Variants in FOXB2 observed in about 807,000 individuals in gnomAD.
FOXB2 encodes forkhead box B2, also known as forkhead box protein B2.
In FOXB2, 1 loss-of-function variant was observed where a neutral mutation model predicts 0.9. That is an observed-to-expected ratio of 1.09 (90% CI 0.39 to 5.18). The LOEUF (loss-of-function observed/expected upper bound fraction) is 5.18. Ranked by LOEUF, FOXB2 falls within the 30% of genes most tolerant of loss-of-function variation. FOXB2 has a pLI of 0.16. For missense variants in FOXB2, 670 were observed against 626.6 expected (o/e 1.07, Z -0.74); for synonymous variants, 322 against 293.5 (o/e 1.10, Z -0.99).
rs778715025 is a variant in FOXB2, at chr9:77,020,149, GCCGCCGCCGCCGCCC to G, written c.509_523del (p.Pro170_Pro174del). ...ACCATCACCACCACCCACCCCAGCC[GCCGCCGCCGCCGCCC>G]CCGCCGCCGCCGCACATGGTACACT... On this transcript the variant is annotated inframe_deletion, in exon 1 of 1. Coordinates refer to ENST00000376708, the MANE Select transcript of FOXB2 (RefSeq NM_001013735.1). The surrounding 1 kb of genome is among the most constrained non-coding windows in gnomAD (Gnocchi z 4.9). 3.5e-5 allele frequency: 46 copies of G among 1,313,422 alleles called. No homozygotes were observed. Among genetic ancestry groups the G allele is most frequent in the African/African-American group, 2.6e-4 (17 of 65,508 alleles). 81.4% of individuals were successfully genotyped at this position (1,313,422 alleles called of 1,614,324 possible).
In FOXB2 at chr9:77,020,145, A is replaced by AGCCGCCGCC; in HGVS notation, c.501_509dup (p.Pro172_Pro174dup). On this transcript the variant is annotated inframe_insertion, in exon 1 of 1. Transcript: ENST00000376708. This position sits in a 1 kb window ranked among gnomAD's most constrained non-coding sequence, Gnocchi z 4.9. ...CACCACCATCACCACCACCCACCCCAGCCGCCGCCGCCGCCGCCCCCGCCG... is the reference window on the plus strand; with the variant it reads ...CACCACCATCACCACCACCCACCCCAGCCGCCGCCGCCGCCGCCGCCGCCGCCCCCGCCG... 1 of 1,355,892 alleles carries AGCCGCCGCC rather than the reference A, an allele frequency of 7.4e-7. No individual in the cohort carries two copies. The highest frequency in any genetic ancestry group is 1.2e-5 in the South Asian group (1 of 82,850). The allele number at this position is 1,355,892 out of a possible 1,614,324, so 84.0% of individuals were successfully genotyped here. A position where few individuals can be genotyped will look rare whatever the true frequency, so the allele number is the denominator to read the frequency against.
At position 77,020,331 on chromosome 9, in the gene FOXB2, C is replaced by A; in HGVS notation, c.677C>A (p.Ala226Glu). The A allele has an allele frequency of 1.7e-6, 2 of 1,163,646 alleles. No individual in the cohort carries two copies. Among genetic ancestry groups the A allele is most frequent in the Non-Finnish European group, 1.1e-6 (1 of 948,976 alleles). The allele number at this position is 1,163,646 out of a possible 1,614,324, so 72.1% of individuals were successfully genotyped here. The change falls in exon 1 of 1, where the codon GCG becomes GAG. Residue 226 changes from alanine to glutamate, a missense_variant. Ala to Glu is a moderately radical substitution (Grantham distance 107). Transcript: ENST00000376708. The surrounding 1 kb of genome is among the most constrained non-coding windows in gnomAD (Gnocchi z 4.9). ...CAGGAGGCGGCGGCCGTGGCGGCGG[C>A]GGCGGCGGCGGCCGCGGCAGCCGCG... ...KMQEAAAVAA[A>E]AAAAAAAAVG...
rs753300532 is a variant in FOXB2, at chr9:77,020,792, C to T, written c.1138C>T (p.Pro380Ser). 66 of 1,567,990 alleles carry T rather than the reference C, an allele frequency of 4.2e-5. No individual in the cohort carries two copies. In the East Asian group the frequency reaches 1.5e-3, roughly 36 times the overall value. The stretch of plus-strand genomic sequence containing the variant: ...GCTGCCGCCCGTGTCCGCGCTGCAG[C>T]CGGGGCTCACTGTCCCCGCGGCTTC... ...PALPPVSALQ[P>S]GLTVPAASQQ... The change falls in exon 1 of 1, where the codon CCG becomes TCG. Residue 380 changes from proline (P) to serine (S), a missense_variant. Pro to Ser is a moderately conservative substitution (Grantham distance 74). Coordinates refer to ENST00000376708, the MANE Select transcript of FOXB2 (RefSeq NM_001013735.1). The surrounding 1 kb of genome is among the most constrained non-coding windows in gnomAD (Gnocchi z 4.9).
chr9:77,020,576 A>T lies in FOXB2; in HGVS notation c.922A>T (p.Asn308Tyr). 6.2e-7 allele frequency: 1 copy of T among 1,609,220 alleles called. No homozygotes were observed. The change falls in exon 1 of 1, where the codon AAC becomes TAC. Residue 308 changes from asparagine to tyrosine, a missense_variant. Asn to Tyr is a moderately radical substitution (Grantham distance 143, BLOSUM62 -2). Transcript: ENST00000376708. The surrounding 1 kb of genome is among the most constrained non-coding windows in gnomAD (Gnocchi z 4.9). Reference sequence around the variant, plus strand: ...CTACCCCGTGCCCGGCCAGCTTGGCAACGTCGTCAGCTCCGTGTGGCCGCA... The same window carrying T: ...CTACCCCGTGCCCGGCCAGCTTGGCTACGTCGTCAGCTCCGTGTGGCCGCA... Reference protein sequence around the residue: ...LGYPVPGQLGNVVSSVWPHVG... With the variant: ...LGYPVPGQLGYVVSSVWPHVG...
At position 77,019,838 on chromosome 9, in the gene FOXB2, C is replaced by A. The variant is rs769898531; in HGVS notation, c.184C>A (p.Arg62Ser). 3.7e-6 allele frequency: 6 copies of A among 1,614,030 alleles called. No homozygotes were observed. The highest frequency in any genetic ancestry group is 3.3e-5 in the South Asian group (3 of 91,090). ...CACACAGCGCTGGCAGAACAGCCTGCGCCACAACCTCTCCTTCAACGACTG... is the reference window on the plus strand; with the variant it reads ...CACACAGCGCTGGCAGAACAGCCTGAGCCACAACCTCTCCTTCAACGACTG... ...EHTQRWQNSLRHNLSFNDCFI... is the reference protein window; with the variant it reads ...EHTQRWQNSLSHNLSFNDCFI... The change falls in exon 1 of 1, where the codon CGC (arginine) becomes AGC (serine). Residue 62 changes from arginine to serine, a missense_variant. By Grantham distance (110) the Arg-to-Ser change is moderately radical. Transcript: ENST00000376708. The surrounding 1 kb of genome is among the most constrained non-coding windows in gnomAD (Gnocchi z 4.4).
chr9:77,020,545 C>T lies in FOXB2; in HGVS notation c.891C>T (p.His297=). 6.2e-7 allele frequency: 1 copy of T among 1,611,194 alleles called. No homozygotes were observed. The highest frequency in any genetic ancestry group is 1.1e-5 in the South Asian group (1 of 91,038). The change falls in exon 1 of 1, where the codon CAC becomes CAT. Residue 297 remains histidine (H), a synonymous_variant. Transcript: ENST00000376708. This position sits in a 1 kb window ranked among gnomAD's most constrained non-coding sequence, Gnocchi z 4.9. ...GGLPLASVMH[H]LGYPVPGQLG... ...TGCCCTTGGCGTCCGTCATGCACCACCTGGGCTACCCCGTGCCCGGCCAGC... is the reference window on the plus strand; with the variant it reads ...TGCCCTTGGCGTCCGTCATGCACCATCTGGGCTACCCCGTGCCCGGCCAGC...
rs759405107 is a variant in FOXB2 at position 77,020,647 on chromosome 9, C to T, written c.993C>T (p.Ala331=). 6.9e-6 allele frequency: 11 copies of T among 1,600,804 alleles called. No homozygotes were observed. Among genetic ancestry groups the T allele is most frequent in the Non-Finnish European group, 9.4e-6 (11 of 1,175,194 alleles). Residue 331 remains alanine, a synonymous_variant, in exon 1 of 1, where the codon GCC becomes GCT. Coordinates refer to ENST00000376708, the MANE Select transcript of FOXB2 (RefSeq NM_001013735.1). This position sits in a 1 kb window ranked among gnomAD's most constrained non-coding sequence, Gnocchi z 4.9. ...DSVAAAAAAA[A]AAGVPVGPEY... ...TGGCCGCCGCCGCGGCCGCCGCAGC[C>T]GCAGCCGGAGTCCCTGTAGGCCCGG...
Position 77,020,455 on chromosome 9 carries a change from G to A in FOXB2, c.801G>A (p.Lys267=). Residue 267 remains lysine, a synonymous_variant, in exon 1 of 1, where the codon AAG becomes AAA. Transcript: ENST00000376708. This position sits in a 1 kb window ranked among gnomAD's most constrained non-coding sequence, Gnocchi z 4.9. ...AAAAASTSGF[K]HPFAIENIIG... ...CCGCGGCGTCCACGTCAGGCTTCAA[G>A]CACCCCTTTGCCATTGAGAACATTA... The A allele has an allele frequency of 6.2e-7, 1 of 1,601,848 alleles. No individual in the cohort carries two copies.
rs1589908287 is a variant in FOXB2 at position 77,020,145 on chromosome 9, A to C, written c.491A>C (p.Gln164Pro). ...CACCACCATCACCACCACCCACCCC[A>C]GCCGCCGCCGCCGCCGCCCCCGCCG... ...AHHHHHHHPP[Q>P]PPPPPPPPPP... is the part of the protein sequence containing the mutation. The change falls in exon 1 of 1, where the codon CAG becomes CCG. Residue 164 changes from glutamine (Q) to proline (P), a missense_variant. Gln to Pro is a moderately conservative substitution (Grantham distance 76). Transcript: ENST00000376708. This position sits in a 1 kb window ranked among gnomAD's most constrained non-coding sequence, Gnocchi z 4.9. 3 of 1,355,890 alleles carry C rather than the reference A, an allele frequency of 2.2e-6. No homozygotes were observed. Among genetic ancestry groups the C allele is most frequent in the Non-Finnish European group, 3.0e-6 (3 of 990,856 alleles). 84.0% of individuals were successfully genotyped at this position (1,355,890 alleles called of 1,614,324 possible).
In FOXB2 at chr9:77,020,672, G is replaced by A. The variant is rs1450452193; in HGVS notation, c.1018G>A (p.Glu340Lys). 6.2e-7 allele frequency: 1 copy of A among 1,604,198 alleles called. No individual in the cohort carries two copies. The highest frequency in any genetic ancestry group is 8.5e-7 in the Non-Finnish European group (1 of 1,176,714). The change falls in exon 1 of 1, where the codon GAG becomes AAG. Residue 340 changes from glutamate (E) to lysine (K), a missense_variant. Glu to Lys is a moderately conservative substitution (Grantham distance 56, BLOSUM62 1). Transcript: ENST00000376708. This position sits in a 1 kb window ranked among gnomAD's most constrained non-coding sequence, Gnocchi z 4.9. ...AAAAGVPVGP[E>K]YGAFGVPVKS... ...CGCAGCCGGAGTCCCTGTAGGCCCGGAGTATGGGGCCTTCGGGGTCCCGGT... is the reference window on the plus strand; with the variant it reads ...CGCAGCCGGAGTCCCTGTAGGCCCGAAGTATGGGGCCTTCGGGGTCCCGGT...
rs1453055043 is a variant in FOXB2, at chr9:77,020,158, G to GCCGCCC, written c.510_515dup (p.Pro173_Pro174dup). The GCCGCCC allele has an allele frequency of 6.4e-6, 8 of 1,255,122 alleles. No homozygotes were observed. The highest frequency in any genetic ancestry group is 9.1e-6 in the Non-Finnish European group (8 of 878,316). 77.7% of individuals were successfully genotyped at this position (1,255,122 alleles called of 1,614,324 possible). ...ACCACCCACCCCAGCCGCCGCCGCCGCCGCCCCCGCCGCCGCCGCACATGG... is the reference window on the plus strand; with the variant it reads ...ACCACCCACCCCAGCCGCCGCCGCCGCCGCCCCCGCCCCCGCCGCCGCCGCACATGG... On this transcript the variant is annotated inframe_insertion, in exon 1 of 1. Transcript: ENST00000376708. The surrounding 1 kb of genome is among the most constrained non-coding windows in gnomAD (Gnocchi z 4.9).
Position 77,020,715 on chromosome 9 carries a change from C to T in FOXB2, c.1061C>T (p.Ser354Leu), listed in dbSNP as rs1363259582. 3 of 1,597,488 alleles carry T rather than the reference C, an allele frequency of 1.9e-6. No individual in the cohort carries two copies. Among genetic ancestry groups the T allele is most frequent in the African/African-American group, 1.4e-5 (1 of 73,832 alleles). ...FGVPVKSLCH[S>L]ASQSLPAMPV... ...GTCCCGGTCAAGTCCCTGTGCCACT[C>T]GGCAAGCCAGAGCCTGCCTGCCATG... The change falls in exon 1 of 1, where the codon TCG becomes TTG. Residue 354 changes from serine (S) to leucine (L), a missense_variant. Transcript: ENST00000376708. This position sits in a 1 kb window ranked among gnomAD's most constrained non-coding sequence, Gnocchi z 4.9.
In FOXB2 at chr9:77,020,416, C is replaced by T. The variant is rs780131837; in HGVS notation, c.762C>T (p.Ala254=). Residue 254 remains alanine (A), a synonymous_variant, in exon 1 of 1, where the codon GCC becomes GCT. Coordinates refer to ENST00000376708, the MANE Select transcript of FOXB2 (RefSeq NM_001013735.1). This position sits in a 1 kb window ranked among gnomAD's most constrained non-coding sequence, Gnocchi z 4.9. ...CCTACGGGCTGGGCTCGGCCGCCGC[C>T]GCTGCCGCCGCGGCCGCGGCGTCCA... ...FPPYGLGSAA[A]AAAAAAASTS... The T allele has an allele frequency of 3.2e-6, 5 of 1,586,966 alleles. No homozygotes were observed. The South Asian group carries it at 5.6e-5, about 18-fold the overall frequency.
chr9:77,020,032 C>A lies in FOXB2; in HGVS notation c.378C>A (p.Ser126Arg), dbSNP rs747878137. The change falls in exon 1 of 1, where the codon AGC (serine) becomes AGA (arginine). Residue 126 changes from serine (S) to arginine (R), a missense_variant. Physicochemically the swap from Ser to Arg is moderately radical, Grantham distance 110. Transcript: ENST00000376708. The surrounding 1 kb of genome is among the most constrained non-coding windows in gnomAD (Gnocchi z 4.9). Reference protein sequence around the residue: ...HTHLHAGSTKSAPGAGPGGHL... With the variant: ...HTHLHAGSTKRAPGAGPGGHL... The stretch of plus-strand genomic sequence containing the variant: ...ACTTGCACGCGGGAAGCACCAAGAG[C>A]GCGCCGGGCGCCGGTCCGGGAGGGC... The A allele has an allele frequency of 1.2e-6, 2 of 1,608,688 alleles. No homozygotes were observed. Among genetic ancestry groups the A allele is most frequent in the Non-Finnish European group, 1.7e-6 (2 of 1,178,600 alleles).
rs367681137 is a variant in FOXB2, at chr9:77,020,507, C to A, written c.853C>A (p.Gln285Lys). 1.1e-5 allele frequency: 18 copies of A among 1,610,270 alleles called. No homozygotes were observed. The highest frequency in any genetic ancestry group is 1.3e-5 in the Non-Finnish European group (15 of 1,178,952). Residue 285 changes from glutamine (Q) to lysine (K), a missense_variant, in exon 1 of 1, where the codon CAG becomes AAG. Physicochemically the swap from Gln to Lys is moderately conservative, Grantham distance 53. Coordinates refer to ENST00000376708, the MANE Select transcript of FOXB2 (RefSeq NM_001013735.1). This position sits in a 1 kb window ranked among gnomAD's most constrained non-coding sequence, Gnocchi z 4.9. The part of the protein sequence containing the change: ...IIGRDYKGVL[Q>K]AGGLPLASVM... ...TGGCCGGGACTACAAGGGCGTGCTG[C>A]AGGCTGGAGGGCTGCCCTTGGCGTC...
chr9:77,020,661 C>G lies in FOXB2; in HGVS notation c.1007C>G (p.Pro336Arg). ...AAAAAAAAGV[P>R]VGPEYGAFGV... The stretch of plus-strand genomic sequence containing the variant: ...GCCGCCGCAGCCGCAGCCGGAGTCC[C>G]TGTAGGCCCGGAGTATGGGGCCTTC... Residue 336 changes from proline to arginine, a missense_variant, in exon 1 of 1, where the codon CCT becomes CGT. Coordinates refer to ENST00000376708, the MANE Select transcript of FOXB2 (RefSeq NM_001013735.1). The surrounding 1 kb of genome is among the most constrained non-coding windows in gnomAD (Gnocchi z 4.9). 6.2e-7 allele frequency: 1 copy of G among 1,603,256 alleles called. No individual in the cohort carries two copies. Among genetic ancestry groups the G allele is most frequent in the Non-Finnish European group, 8.5e-7 (1 of 1,176,224 alleles).
Position 77,019,800 on chromosome 9 carries a change from A to G in FOXB2, c.146A>G (p.Tyr49Cys). 1.9e-6 allele frequency: 3 copies of G among 1,614,064 alleles called. No individual in the cohort carries two copies. Among genetic ancestry groups the G allele is most frequent in the Non-Finnish European group, 1.7e-6 (2 of 1,179,998 alleles). Residue 49 changes from tyrosine to cysteine, a missense_variant, in exon 1 of 1, where the codon TAC (tyrosine) becomes TGC (cysteine). Transcript: ENST00000376708. This position sits in a 1 kb window ranked among gnomAD's most constrained non-coding sequence, Gnocchi z 4.4. ...IYKFIMERFPYYREHTQRWQN... is the reference protein window; with the variant it reads ...IYKFIMERFPCYREHTQRWQN... The stretch of plus-strand genomic sequence containing the variant: ...AAGTTCATCATGGAGCGCTTCCCCT[A>G]CTACCGCGAGCACACACAGCGCTGG...
At position 77,020,169 on chromosome 9, in the gene FOXB2, C is replaced by A; in HGVS notation, c.515C>A (p.Pro172Gln). 1 of 1,239,096 alleles carries A rather than the reference C, an allele frequency of 8.1e-7. No individual in the cohort carries two copies. Among genetic ancestry groups the A allele is most frequent in the Non-Finnish European group, 1.2e-6 (1 of 855,606 alleles). 76.8% of individuals were successfully genotyped at this position (1,239,096 alleles called of 1,614,324 possible). A position where few individuals can be genotyped will look rare whatever the true frequency, so the allele number is the denominator to read the frequency against. ...PPQPPPPPPP[P>Q]PPHMVHYFHQ... Reference sequence around the variant, plus strand: ...CAGCCGCCGCCGCCGCCGCCCCCGCCGCCGCCGCACATGGTACACTATTTC... The same window carrying A: ...CAGCCGCCGCCGCCGCCGCCCCCGCAGCCGCCGCACATGGTACACTATTTC... Residue 172 changes from proline (P) to glutamine (Q), a missense_variant, in exon 1 of 1, where the codon CCG (proline) becomes CAG (glutamine). By Grantham distance (76) the Pro-to-Gln change is moderately conservative. Transcript: ENST00000376708. This position sits in a 1 kb window ranked among gnomAD's most constrained non-coding sequence, Gnocchi z 4.9.
rs1200952573 is a variant in FOXB2, at chr9:77,019,709, A to G, written c.55A>G (p.Ile19Val). The G allele has an allele frequency of 1.2e-6, 2 of 1,612,786 alleles. No individual in the cohort carries two copies. The highest frequency in any genetic ancestry group is 1.7e-5 in the Admixed American group (1 of 59,802). Residue 19 changes from isoleucine to valine, a missense_variant, in exon 1 of 1, where the codon ATC becomes GTC. By Grantham distance (29) the Ile-to-Val change is conservative. Coordinates refer to ENST00000376708, the MANE Select transcript of FOXB2 (RefSeq NM_001013735.1). This position sits in a 1 kb window ranked among gnomAD's most constrained non-coding sequence, Gnocchi z 4.4. ...YSDQKPPYSY[I>V]SLTAMAIQHS... Reference sequence around the variant, plus strand: ...CGACCAAAAACCGCCCTACTCTTACATCTCGCTGACCGCCATGGCAATCCA... The same window carrying G: ...CGACCAAAAACCGCCCTACTCTTACGTCTCGCTGACCGCCATGGCAATCCA...
Sources: allele counts gnomAD v4.1 joint callset, GRCh38; gene constraint gnomAD v4.1.1; non-coding constraint Gnocchi (gnomAD v3.1); transcripts MANE v1.5; gene names NCBI Gene and HGNC (gene_info 2026-07-23, HGNC 2026-07-21).